DPF3: variants seen among roughly 807,000 people sequenced by gnomAD.
DPF3 encodes zinc finger protein DPF3.
In DPF3, 18 loss-of-function variants were observed where a neutral mutation model predicts 56.8. The ratio of observed to expected loss-of-function variants is 0.32; its 90% CI spans 0.22 to 0.47. DPF3 has a LOEUF of 0.47. Among genes scored for constraint, DPF3 ranks in the 20% least tolerant of loss-of-function variants. DPF3 has a pLI of 1.00. For missense variants in DPF3, 403 were observed against 488.8 expected, an observed-to-expected ratio of 0.82 and a Z score of 1.65; for synonymous variants, 188 against 180.2, an observed-to-expected ratio of 1.04 and a Z score of -0.35.
intron 1 of DPF3, among the ~76,000 whole-genome samples, chr14:72,823,932 G>A (rs1392477388): frequency 6.6e-6 from 1 of 152,164 alleles, no homozygotes; most frequent in Non-Finnish European, 1.5e-5. Flanking sequence ...CTGAGCCACT[G>A]GGGAAGAGTG....
chr14:72,884,971 T>TGTATATATA (rs10523148), intron 1 of DPF3, among the ~76,000 whole-genome samples: 5 of 111,678 alleles, frequency 4.5e-5, no homozygotes, highest in Non-Finnish European at 9.4e-5. Flanking sequence ...TATATATATA[T>TGTATATATA]TAGCCGGGCG....
rs557588495 is a variant in DPF3, at chr14:72,803,801, T to C, written c.33-31908A>G. Reference sequence around the variant, plus strand: ...ACATTCTCCAATATGTCCCAGAAAGTGTCAAGAGCTTTGTAACGCAAAAGG... The same window carrying C: ...ACATTCTCCAATATGTCCCAGAAAGCGTCAAGAGCTTTGTAACGCAAAAGG... On this transcript the variant is annotated intron_variant, in intron 1 of 10. Coordinates refer to ENST00000556509, the MANE Select transcript of DPF3 (RefSeq NM_001280542.3). Among the ~76,000 whole-genome samples the C allele has an allele frequency of 3.9e-5, 6 of 152,322 alleles. No homozygotes were observed. The East Asian group carries it at 1.2e-3, about 29-fold the overall frequency.
chr14:72,753,598 C>T (rs1890669277), intron 2 of DPF3, among the ~76,000 whole-genome samples: 1 of 152,156 alleles, frequency 6.6e-6, no homozygotes, highest in Admixed American at 6.5e-5. Context: ...CAAGCCCATG[C>T]CAACGAGAGC....
intron 9 of DPF3, among the ~76,000 whole-genome samples, chr14:72,627,444 C>G (rs1485727819): frequency 6.6e-6 from 1 of 152,066 alleles, no homozygotes; most frequent in Non-Finnish European, 1.5e-5. Context: ...GACCCTTACC[C>G]TATACTGTAT....
At chr14:72,756,831 A>G (rs1247642995) in intron 2 of DPF3, among the ~76,000 whole-genome samples, 4 of 88,038 alleles carry the variant, frequency 4.5e-5, no homozygotes, top group Non-Finnish European at 7.0e-5. Context: ...ACAGAAAGAA[A>G]GAAAGAAAGA....
At chr14:72,838,815 T>G (rs1884414799) in intron 1 of DPF3, among the ~76,000 whole-genome samples, 1 of 150,694 alleles carries the variant, frequency 6.6e-6, no homozygotes, top group African/African-American at 2.4e-5. Flanking sequence ...CAGCCAAAAC[T>G]TAAGACACAG....
At chr14:72,873,765 C>A (rs1196242274) in intron 1 of DPF3, among the ~76,000 whole-genome samples, 1 of 151,974 alleles carries the variant, frequency 6.6e-6, no homozygotes, top group Non-Finnish European at 1.5e-5. Context: ...GAGTTCATGT[C>A]CCTTGTAGGG....
intron 8 of DPF3, among the ~76,000 whole-genome samples, chr14:72,673,117 G>A (rs149358809): frequency 4.9e-4 from 74 of 152,258 alleles, no homozygotes; most frequent in East Asian, 1.2e-3. Flanking sequence ...TAAAATTACT[G>A]ATTTGCTACT....
intron 7 of DPF3, among the ~76,000 whole-genome samples, chr14:72,680,680 C>G (rs75054747): frequency 6.6e-6 from 1 of 152,240 alleles, no homozygotes; most frequent in Admixed American, 6.5e-5. Context: ...CACTCCGCAC[C>G]GTCAAGGACA....
chr14:72,757,408 A>G (rs1027634623), intron 2 of DPF3, among the ~76,000 whole-genome samples: 1 of 152,140 alleles, frequency 6.6e-6, no homozygotes, highest in South Asian at 2.1e-4. Context: ...CTATCTCCCT[A>G]TAAGTTATAC....
chr14:72,824,001 G>A (rs17781612), intron 1 of DPF3, among the ~76,000 whole-genome samples: 12,811 of 152,188 alleles, frequency 0.084, 729 homozygotes, highest in South Asian at 0.18. Context: ...GACCACATGA[G>A]CAAAGCCTGA....
intron 6 of DPF3, among the ~76,000 whole-genome samples, chr14:72,696,831 C>T (rs1325595978): frequency 6.6e-6 from 1 of 152,244 alleles, no homozygotes; most frequent in Non-Finnish European, 1.5e-5. Context: ...AACTCTTGGG[C>T]TCCACCCCAG....
intron 1 of DPF3, among the ~76,000 whole-genome samples, chr14:72,792,096 C>CCCCCAA (rs1443583106): frequency 3.9e-5 from 6 of 152,082 alleles, no homozygotes; most frequent in Non-Finnish European, 8.8e-5. Context: ...CCCACCCCCG[C>CCCCCAA]CCCCAACCCC....
chr14:72,651,304 C>T (rs1422900688), intron 8 of DPF3, among the ~76,000 whole-genome samples: 1 of 152,218 alleles, frequency 6.6e-6, no homozygotes. Flanking sequence ...CCTCAGCCAG[C>T]GACTGACCCC....
chr14:72,793,655 T>A (rs1295658428), intron 1 of DPF3, among the ~76,000 whole-genome samples: 2 of 152,130 alleles, frequency 1.3e-5, no homozygotes, highest in African/African-American at 4.8e-5. Flanking sequence ...ATGTAGAGCA[T>A]CCAAAGATGG....
chr14:72,721,689 T>C (rs948228146), intron 5 of DPF3, among the ~76,000 whole-genome samples: 52 of 151,922 alleles, frequency 3.4e-4, no homozygotes, highest in Non-Finnish European at 1.0e-4. Flanking sequence ...GAAGAACCTA[T>C]CACCACCTAG....
rs567773632 is a variant in DPF3 at position 72,609,385 on chromosome 14, A to C, written c.*9912T>G. Among the ~76,000 whole-genome samples, 35 of 152,324 alleles carry C rather than the reference A, an allele frequency of 2.3e-4. No homozygotes were observed. The highest frequency in any genetic ancestry group is 7.5e-4 in the African/African-American group (31 of 41,568). ...AGTGAGTCCCGGGTCAGGAGTCCAC[A>C]TCAGGTGTGGGCTGCTTCCAATCTG... is the stretch of plus-strand genomic sequence containing the variant. On this transcript the variant is annotated 3_prime_UTR_variant, in exon 11 of 11. Coordinates refer to ENST00000556509, the MANE Select transcript of DPF3 (RefSeq NM_001280542.3).
chr14:72,689,175 T>A (rs1185059891), intron 7 of DPF3, among the ~76,000 whole-genome samples: 3 of 152,166 alleles, frequency 2.0e-5, no homozygotes, highest in Admixed American at 1.3e-4. Flanking sequence ...AGGCGCGGGA[T>A]GAGCCATGGG....
intron 1 of DPF3, among the ~76,000 whole-genome samples, chr14:72,797,947 T>C (rs1892704975): frequency 6.6e-6 from 1 of 152,142 alleles, no homozygotes; most frequent in Non-Finnish European, 1.5e-5. Context: ...CTCTGAGCAC[T>C]TTTTACCGTC....
Sources: allele counts gnomAD v4.1 joint callset (sites outside exome capture counted in the v4.1 genomes callset), GRCh38; gene constraint gnomAD v4.1.1; transcripts MANE v1.5; gene names NCBI Gene and HGNC (gene_info 2026-07-23, HGNC 2026-07-21).